The following NHS variants were observed in gnomAD, a reference collection of about 807,000 sequenced individuals.
NHS encodes NHS actin remodeling regulator.
A neutral mutation model predicts 72.5 loss-of-function variants in NHS; 5 were observed. That is an observed-to-expected ratio of 0.07 (90% CI 0.04 to 0.14). The LOEUF (loss-of-function observed/expected upper bound fraction) is 0.14, where lower values mean the gene tolerates loss of function less well. NHS is among the 10% of genes least tolerant of loss of function. The pLI, the probability that NHS is intolerant of heterozygous loss-of-function variation, is 1.00. For synonymous variants in NHS, 464 were observed against 547.7 expected, an observed-to-expected ratio of 0.85 and a Z score of 2.13; for missense variants, 1,072 against 1,355.7, an observed-to-expected ratio of 0.79 and a Z score of 3.29.
At chrX:17,410,648 A>C (rs1244478787) in intron 1 of NHS, among the ~76,000 whole-genome samples, 1 of 108,116 alleles carries the variant, frequency 9.2e-6, no homozygotes, top group Non-Finnish European at 1.9e-5. Context: ...TGGTTTTGAA[A>C]TGGCTGCCTT....
intron 1 of NHS, among the ~76,000 whole-genome samples, chrX:17,483,140 A>G (rs778371547): frequency 8.0e-5 from 9 of 112,364 alleles, no homozygotes; most frequent in Non-Finnish European, 1.5e-4. Flanking sequence ...AAATATGGCA[A>G]TCTAGTGAAA....
intron 1 of NHS, among the ~76,000 whole-genome samples, chrX:17,421,221 C>G (rs1483134482): frequency 9.5e-6 from 1 of 105,593 alleles, no homozygotes; most frequent in Admixed American, 9.9e-5. Context: ...TCAAAAGCAG[C>G]TCTACGTGTG....
At chrX:17,669,416 T>C (rs1280829237) in intron 1 of NHS, among the ~76,000 whole-genome samples, 1 of 112,043 alleles carries the variant, frequency 8.9e-6, no homozygotes, top group African/African-American at 3.3e-5. Flanking sequence ...CATAGTAGGG[T>C]CTTCAATATG....
chrX:17,415,192 C>T (rs995313576), intron 1 of NHS, among the ~76,000 whole-genome samples: 1 of 111,594 alleles, frequency 9.0e-6, no homozygotes, highest in African/African-American at 3.3e-5. Context: ...CCCTGGGACA[C>T]GGTATAGCCC....
chrX:17,604,227 A>ATC (rs1203853314), intron 1 of NHS, among the ~76,000 whole-genome samples: 1 of 82,185 alleles, frequency 1.2e-5, no homozygotes, highest in African/African-American at 7.4e-5. Flanking sequence ...ATATTAATAG[A>ATC]TCACACACAC....
In NHS at chrX:17,726,981, C is replaced by G. The variant is rs764727917; in HGVS notation, c.2875C>G (p.Pro959Ala). 1 of 1,211,805 alleles carries G rather than the reference C, an allele frequency of 8.3e-7. No individual in the cohort carries two copies. The highest frequency in any genetic ancestry group is 1.1e-6 in the Non-Finnish European group (1 of 895,527). The part of the protein sequence containing the change: ...WLLNDLKTND[P>A]YRSLSNSSTA... ...CCTAAATGACTTGAAAACAAATGAT[C>G]CTTATAGATCTCTATCTAATTCAAG... is the stretch of plus-strand genomic sequence containing the variant. Residue 959 changes from proline (P) to alanine (A), a missense_variant, in exon 7 of 9, where the codon CCT (proline) becomes GCT (alanine). Coordinates refer to ENST00000676302, the MANE Select transcript of NHS (RefSeq NM_001291867.2).
chrX:17,680,343 A>G (rs1010724317), intron 1 of NHS, among the ~76,000 whole-genome samples: 2 of 112,548 alleles, frequency 1.8e-5, no homozygotes, highest in Non-Finnish European at 3.8e-5. Context: ...GCCTCTGCCA[A>G]AAATCAGCTC....
intron 1 of NHS, among the ~76,000 whole-genome samples, chrX:17,457,982 T>C (rs2064831993): frequency 8.9e-6 from 1 of 112,154 alleles, no homozygotes; most frequent in Admixed American, 9.5e-5. Flanking sequence ...TATTTGTTCT[T>C]TTATTTAATA....
intron 1 of NHS, among the ~76,000 whole-genome samples, chrX:17,555,711 A>G (rs964582125): frequency 2.7e-5 from 3 of 111,785 alleles, no homozygotes; most frequent in Non-Finnish European, 5.6e-5. Flanking sequence ...AAGTTAAGAT[A>G]CCATCTTGGA....
intron 1 of NHS, among the ~76,000 whole-genome samples, chrX:17,493,242 G>A (rs1162289305): frequency 9.0e-6 from 1 of 111,532 alleles, no homozygotes; most frequent in Non-Finnish European, 1.9e-5. Context: ...TACATAGTAG[G>A]TGGGCCATTA....
intron 1 of NHS, among the ~76,000 whole-genome samples, chrX:17,541,767 A>AACACACAC (rs57700886): frequency 0.031 from 1,926 of 62,873 alleles, 82 homozygotes; most frequent in African/African-American, 0.063. Context: ...TGAGTTTGCG[A>AACACACAC]ACACACACAC....
At chrX:17,415,484 C>G (rs1456757363) in intron 1 of NHS, among the ~76,000 whole-genome samples, 1 of 111,148 alleles carries the variant, frequency 9.0e-6, no homozygotes, top group Non-Finnish European at 1.9e-5. Flanking sequence ...AATAGCCAGC[C>G]TTGAATTCAA....
intron 7 of NHS, 44 bp downstream of exon 7, chrX:17,728,372 G>A (rs769539766): frequency 1.8e-6 from 2 of 1,131,252 alleles, no homozygotes; most frequent in Admixed American, 4.5e-5. Context: ...GTGTCTCATG[G>A]CACTTCCTGG....
chrX:17,660,147 G>A (rs57110122), intron 1 of NHS, among the ~76,000 whole-genome samples: 27,992 of 111,789 alleles, frequency 0.25, 6,390 homozygotes, highest in African/African-American at 0.73. Context: ...TACTCAGCTA[G>A]TGAAGAAGCT....
intron 1 of NHS, chrX:17,557,335 A>G (rs2065383820): frequency 9.4e-6 from 1 of 106,240 alleles, no homozygotes; most frequent in South Asian, 4.3e-4. Context: ...TGATATATAT[A>G]TATATATATA....
chrX:17,535,196 G>C (rs1228243746), intron 1 of NHS, among the ~76,000 whole-genome samples: 1 of 111,549 alleles, frequency 9.0e-6, no homozygotes, highest in Non-Finnish European at 1.9e-5. Context: ...CATTTCCTCT[G>C]ACCTTGGGGA....
At chrX:17,474,038 C>T (rs2064903518) in intron 1 of NHS, among the ~76,000 whole-genome samples, 1 of 111,323 alleles carries the variant, frequency 9.0e-6, no homozygotes, top group Non-Finnish European at 1.9e-5. Flanking sequence ...ATTAAGACTA[C>T]TACCCAATAG....
At chrX:17,601,488 T>C (rs777710493) in intron 1 of NHS, among the ~76,000 whole-genome samples, 1 of 112,226 alleles carries the variant, frequency 8.9e-6, no homozygotes, top group South Asian at 3.7e-4. Flanking sequence ...GGTGGAACTG[T>C]TTATGATGGG....
intron 1 of NHS, among the ~76,000 whole-genome samples, chrX:17,516,124 T>C (rs2065118483): frequency 9.0e-6 from 1 of 111,386 alleles, no homozygotes; most frequent in Non-Finnish European, 1.9e-5. Flanking sequence ...AATTTGAACA[T>C]GTGATCACTA....
Sources: gnomAD v4.1 joint callset for allele counts (sites outside exome capture counted in the v4.1 genomes callset) on GRCh38, gnomAD v4.1.1 for gene constraint, MANE v1.5 for transcripts, NCBI Gene and HGNC (gene_info 2026-07-23, HGNC 2026-07-21) for gene names.